Variants in CACNA1C observed in about 807,000 individuals in gnomAD.
CACNA1C encodes calcium voltage-gated channel subunit alpha1 C.
CACNA1C carries 30 observed loss-of-function variants against 229.0 expected under a neutral mutation model. That is an observed-to-expected ratio of 0.13 (90% CI 0.10 to 0.18). The LOEUF (loss-of-function observed/expected upper bound fraction) is 0.18, where lower values mean the gene tolerates loss of function less well. Among genes scored for constraint, CACNA1C ranks in the 10% least tolerant of loss-of-function variants. The pLI is 1.00. For missense variants in CACNA1C, 1,658 were observed against 2,845.0 expected (o/e 0.58, Z 9.49); for synonymous variants, 1,114 against 1,132.5 (o/e 0.98, Z 0.33).
rs1380968835 is a variant in CACNA1C, at chr12:2,694,420, G to GTC, written c.*3223_*3224dup. The GTC allele has an allele frequency of 1.3e-5, 2 of 152,248 alleles. No individual in the cohort carries two copies. Among genetic ancestry groups the GTC allele is most frequent in the African/African-American group, 2.4e-5 (1 of 41,460 alleles). The allele number at this position is 152,248 out of a possible 1,614,324, so 9.4% of individuals were successfully genotyped here. On this transcript the variant is annotated 3_prime_UTR_variant, in exon 47 of 47. Transcript: ENST00000399655. ...GGACTTGAAGAAACAACAGTTTAAG[G>GTC]TCTGCAGTTTGGTCAACTTAATTCT...
rs35977267 is a variant in CACNA1C, at chr12:2,163,203, CA to C, written c.477+42791del. 8.8e-3 allele frequency among the ~76,000 whole-genome samples: 962 copies of C among 109,528 alleles called. 6 individuals carry two copies. Among genetic ancestry groups the C allele is most frequent in the African/African-American group, 0.028 (794 of 27,958 alleles). 71.9% of individuals were successfully genotyped at this position (109,528 alleles called of 152,430 possible). ...GGGCAACAAGAGTGAAATTCCATCTCAAAAAAAAAAAAAAAAAAGTGACCAC... is the reference window on the plus strand; with the variant it reads ...GGGCAACAAGAGTGAAATTCCATCTCAAAAAAAAAAAAAAAAAGTGACCAC... On this transcript the variant is annotated intron_variant, in intron 3 of 46. Coordinates refer to ENST00000399655, the MANE Select transcript of CACNA1C (RefSeq NM_000719.7).
rs1214111825 is a variant in CACNA1C at position 2,029,162 on chromosome 12, G to C, written c.139+57961G>C. Among the ~76,000 whole-genome samples, 1 of 152,136 alleles carries C rather than the reference G, an allele frequency of 6.6e-6. No individual in the cohort carries two copies. On this transcript the variant is annotated intron_variant, in intron 1 of 46. Transcript: ENST00000682462. This position sits in a 1 kb window ranked among gnomAD's most constrained non-coding sequence, Gnocchi z 4.9. Reference sequence around the variant, plus strand: ...ATCTTAAGGGGCTTTTTCCAAAAGGGCAGGGGGCAGGGAAGGAGAGACTCC... The same window carrying C: ...ATCTTAAGGGGCTTTTTCCAAAAGGCCAGGGGGCAGGGAAGGAGAGACTCC...
intron 1 of CACNA1C, among the ~76,000 whole-genome samples, chr12:2,086,405 A>T (rs2067651390): frequency 1.3e-5 from 2 of 152,130 alleles, no homozygotes; most frequent in South Asian, 2.1e-4. Context: ...CTTGACATTG[A>T]TTAGGTTTTT....
chr12:2,334,076 G>A (rs1402647811), intron 3 of CACNA1C, among the ~76,000 whole-genome samples: 1 of 152,136 alleles, frequency 6.6e-6, no homozygotes, highest in African/African-American at 2.4e-5. Flanking sequence ...CATTCCTAAT[G>A]CTGCTTCCTG....
In CACNA1C at chr12:2,264,445, C is replaced by T. The variant is rs190639050; in HGVS notation, c.477+144015C>T. Among the ~76,000 whole-genome samples the T allele has an allele frequency of 7.9e-5, 12 of 152,350 alleles. No homozygotes were observed. In the East Asian group the frequency reaches 2.3e-3, roughly 29 times the overall value. On this transcript the variant is annotated intron_variant, in intron 3 of 46. Coordinates refer to ENST00000399655, the MANE Select transcript of CACNA1C (RefSeq NM_000719.7). ...CATCCCGTTCAACTCCCTCCTCTTA[C>T]AGATGGGGGAACTGAGGTCCAGGGA...
At chr12:2,098,830 A>G (rs977055302) in intron 1 of CACNA1C, among the ~76,000 whole-genome samples, 1 of 152,212 alleles carries the variant, frequency 6.6e-6, no homozygotes, top group Non-Finnish European at 1.5e-5. Context: ...CTTCATATTC[A>G]GGTAGTACTT....
At chr12:2,037,553 C>G (rs2049358359) in intron 1 of CACNA1C, among the ~76,000 whole-genome samples, 1 of 152,198 alleles carries the variant, frequency 6.6e-6, no homozygotes, top group Non-Finnish European at 1.5e-5. Context: ...GGTCCCAACT[C>G]AGATGCAAGT....
intron 1 of CACNA1C, among the ~76,000 whole-genome samples, chr12:2,056,237 G>C (rs1360706634): frequency 7.7e-6 from 1 of 130,418 alleles, no homozygotes; most frequent in Non-Finnish European, 1.7e-5. Context: ...GTGTGTGTGT[G>C]TTGAGGGTCG....
intron 1 of CACNA1C, among the ~76,000 whole-genome samples, chr12:2,100,951 G>A (rs1198829250): frequency 6.7e-6 from 1 of 148,440 alleles, no homozygotes; most frequent in Non-Finnish European, 1.5e-5. Context: ...GCAGTGAGCC[G>A]TGATTCTGCC....
chr12:2,022,455 C>A (rs962112629), intron 1 of CACNA1C, among the ~76,000 whole-genome samples: 1 of 143,166 alleles, frequency 7.0e-6, no homozygotes, highest in African/African-American at 2.6e-5. Context: ...GAAAGATGCC[C>A]TAAGGAACTT....
intron 3 of CACNA1C, among the ~76,000 whole-genome samples, chr12:2,338,560 TG>T (rs1351769626): frequency 7.0e-6 from 1 of 141,858 alleles, no homozygotes; most frequent in Non-Finnish European, 1.5e-5. Context: ...TGACCACCGG[TG>T]GCTCATCTCA....
At chr12:1,978,482 T>C (rs1455526122) in intron 1 of CACNA1C, among the ~76,000 whole-genome samples, 3 of 152,246 alleles carry the variant, frequency 2.0e-5, no homozygotes, top group African/African-American at 7.2e-5. Flanking sequence ...TAAATTTTCA[T>C]TTATTTAAAT....
intron 3 of CACNA1C, among the ~76,000 whole-genome samples, chr12:2,392,646 T>C (rs2098505259): frequency 1.3e-5 from 2 of 152,204 alleles, no homozygotes; most frequent in South Asian, 4.1e-4. Context: ...GTCTCCAAGA[T>C]ACCTGGGTTT....
intron 3 of CACNA1C, among the ~76,000 whole-genome samples, chr12:2,405,675 T>G (rs1429062573): frequency 2.0e-5 from 3 of 152,230 alleles, no homozygotes; most frequent in African/African-American, 7.2e-5. Context: ...CCAGCCCAAA[T>G]GAAGTGTGTC....
At chr12:2,151,609 G>T (rs936098906) in intron 3 of CACNA1C, among the ~76,000 whole-genome samples, 2 of 152,192 alleles carry the variant, frequency 1.3e-5, no homozygotes, top group Non-Finnish European at 2.9e-5. Flanking sequence ...ATAAGCGCTT[G>T]TCATAGAATG....
At chr12:2,311,643 C>T (rs1242404843) in intron 3 of CACNA1C, among the ~76,000 whole-genome samples, 2 of 152,206 alleles carry the variant, frequency 1.3e-5, no homozygotes, top group African/African-American at 4.8e-5. Flanking sequence ...CGCGATATGT[C>T]AGACGTCAGA....
Position 2,413,152 on chromosome 12 carries a change from G to A in CACNA1C, c.478-35824G>A, listed in dbSNP as rs150698392. Among the ~76,000 whole-genome samples the A allele has an allele frequency of 4.7e-4, 71 of 152,178 alleles. No individual in the cohort carries two copies. The East Asian group carries it at 0.012, about 25-fold the overall frequency. The stretch of plus-strand genomic sequence containing the variant: ...CCTGCCTAAACTTCCCACGTACCTG[G>A]GACTACAGGTGTGTACCACCACGCC... On this transcript the variant is annotated intron_variant, in intron 3 of 46. Transcript: ENST00000399655.
chr12:2,237,953 A>T (rs188120667), intron 3 of CACNA1C, among the ~76,000 whole-genome samples: 2 of 152,340 alleles, frequency 1.3e-5, no homozygotes, highest in Admixed American at 1.3e-4. Flanking sequence ...TATCAAGGCG[A>T]CAATGATAGG....
At chr12:2,360,156 A>ACCCCCCCCCCCCCCCCCCCCCCCCCCCC (rs796441635) in intron 3 of CACNA1C, among the ~76,000 whole-genome samples, 1 of 57,020 alleles carries the variant, frequency 1.8e-5, no homozygotes, top group Admixed American at 1.8e-4. Flanking sequence ...AACACACCCC[A>ACCCCCCCCCCCCCCCCCCCCCCCCCCCC]CCCCCCCCCA....
Sources: gnomAD v4.1 joint callset for allele counts (sites outside exome capture counted in the v4.1 genomes callset) on GRCh38, gnomAD v4.1.1 for gene constraint, Gnocchi (gnomAD v3.1) non-coding constraint, MANE v1.5 for transcripts, NCBI Gene and HGNC (gene_info 2026-07-23, HGNC 2026-07-21) for gene names.